The following ABCG5 variants were observed in gnomAD, a reference collection of about 807,000 sequenced individuals.
ABCG5 encodes the protein ATP binding cassette subfamily G member 5.
ABCG5 carries 64 observed loss-of-function variants against 64.5 expected under a neutral mutation model. The observed-to-expected ratio is 0.99, with a 90% CI of 0.81 to 1.22. The LOEUF (loss-of-function observed/expected upper bound fraction) is 1.22, where lower values mean the gene tolerates loss of function less well. Among genes scored for constraint, ABCG5 ranks in the 50% most tolerant of loss-of-function variants. The pLI, the probability that ABCG5 is intolerant of heterozygous loss-of-function variation, is 0.00. For missense variants in ABCG5, 908 were observed against 829.5 expected (o/e 1.09, Z -1.16); for synonymous variants, 385 against 326.3 (o/e 1.18, Z -1.94).
rs1232430658 is a variant in ABCG5 at position 43,820,076 on chromosome 2, A to C, written c.1488T>G (p.Val496=). 1 of 1,614,124 alleles carries C rather than the reference A, an allele frequency of 6.2e-7. No homozygotes were observed. The highest frequency in any genetic ancestry group is 1.7e-5 in the Admixed American group (1 of 60,012). Residue 496 remains valine, a synonymous_variant, in exon 11 of 13, where the codon GTT becomes GTG. Coordinates refer to ENST00000405322, the MANE Select transcript of ABCG5 (RefSeq NM_022436.3). ...CAGCAGAAAAATATCCAAATCGGGCAACCTCAGGATGTAAGCCCAGCGTCC... is the reference window on the plus strand; with the variant it reads ...CAGCAGAAAAATATCCAAATCGGGCCACCTCAGGATGTAAGCCCAGCGTCC... ...CYWTLGLHPE[V]ARFGYFSAAL... is the part of the protein sequence containing the mutation.
chr2:43,808,704 T>C (rs1379476528), downstream of ABCG5, among the ~76,000 whole-genome samples: 3 of 152,146 alleles, frequency 2.0e-5, no homozygotes, highest in East Asian at 5.8e-4. Context: ...AATGGAAGTA[T>C]CCTGCCCTCT....
chr2:43,826,514 C>T lies in ABCG5; in HGVS notation c.642G>A (p.Met214Ile), dbSNP rs1369776473. Residue 214 changes from methionine (M) to isoleucine (I), a missense_variant, in exon 6 of 13, where the codon ATG becomes ATA. Met to Ile is a conservative substitution (Grantham distance 10). Coordinates refer to ENST00000405322, the MANE Select transcript of ABCG5 (RefSeq NM_022436.3). ...AAQLLQDPKV[M>I]LFDEPTTGLD... ...GGCCTGTGGTTGGCTCATCAAACAG[C>T]ATGACCTCTGCCAGCAAAGAAGGGC... is the stretch of plus-strand genomic sequence containing the variant. The T allele has an allele frequency of 1.9e-6, 3 of 1,614,092 alleles. No homozygotes were observed. The highest frequency in any genetic ancestry group is 2.2e-5 in the East Asian group (1 of 44,894).
At chr2:43,839,180 C>G (rs1668469645), upstream of ABCG5, 7 of 1,518,022 alleles carry the variant, frequency 4.6e-6, no homozygotes, top group South Asian at 1.2e-5. Flanking sequence ...AAACCTTTCT[C>G]TCTTCCCTCA....
rs546506666 is a variant in ABCG5, at chr2:43,833,865, G to T, written c.266-1782C>A. 5.3e-5 allele frequency among the ~76,000 whole-genome samples: 8 copies of T among 151,792 alleles called. No homozygotes were observed. The South Asian group carries it at 1.7e-3, about 32-fold the overall frequency. ...ACACCTGGCTAATTTTTGTATTTTT[G>T]TAGAGACGGGGTTTCACCACGTTGG... On this transcript the variant is annotated intron_variant, in intron 2 of 12. Transcript: ENST00000405322.
At chr2:43,810,572 A>T, downstream of ABCG5, 1 of 945,940 alleles carries the variant, frequency 1.1e-6, no homozygotes, top group Non-Finnish European at 1.3e-6. Context: ...ATGTTCTTCC[A>T]TGTCCACATA....
intron 12 of ABCG5, among the ~76,000 whole-genome samples, chr2:43,814,037 A>G (rs980772318): frequency 1.3e-5 from 2 of 152,112 alleles, no homozygotes; most frequent in Non-Finnish European, 2.9e-5. Flanking sequence ...TCTAATGGCC[A>G]TGAGGTCCTT....
At chr2:43,837,690 TA>T (rs1668366046) in intron 2 of ABCG5, 143 bp downstream of exon 2, 20 of 1,083,802 alleles carry the variant, frequency 1.8e-5, no homozygotes, top group Non-Finnish European at 2.7e-5. Context: ...TTCACATTGG[TA>T]GCAGTTCCAT....
chr2:43,824,648 C>T (rs1488267479), intron 7 of ABCG5: 3 of 985,080 alleles, frequency 3.0e-6, no homozygotes, highest in South Asian at 9.4e-5. Flanking sequence ...AGAAGCTCAG[C>T]TAATTATGCT....
chr2:43,828,142 G>C (rs774539737), intron 4 of ABCG5, 27 bp from the exon 5 acceptor site: 1 of 1,613,590 alleles, frequency 6.2e-7, no homozygotes, highest in South Asian at 1.1e-5. Context: ...TTACAGGAAG[G>C]CTGGGAGTCT....
At position 43,838,485 on chromosome 2, in the gene ABCG5, C is replaced by A; in HGVS notation, c.143+52G>T. 6.5e-7 allele frequency: 1 copy of A among 1,527,116 alleles called. No homozygotes were observed. The highest frequency in any genetic ancestry group is 8.9e-7 in the Non-Finnish European group (1 of 1,124,084). 94.6% of individuals were successfully genotyped at this position (1,527,116 alleles called of 1,614,324 possible). A position where few individuals can be genotyped will look rare whatever the true frequency, so the allele number is the denominator to read the frequency against. ...TGAAGAAAGGCAGCAGAGGGGTGAG[C>A]GCCGGGCCCCGCACTCCTGGGGGAG... is the stretch of plus-strand genomic sequence containing the variant. On this transcript the variant is annotated intron_variant, in intron 1 of 12. Transcript: ENST00000405322. This position sits in a 1 kb window ranked among gnomAD's most constrained non-coding sequence, Gnocchi z 4.2.
chr2:43,818,179 C>T lies in ABCG5; in HGVS notation c.1649+1736G>A, dbSNP rs566598485. Among the ~76,000 whole-genome samples, 19 of 152,224 alleles carry T rather than the reference C, an allele frequency of 1.2e-4. No individual in the cohort carries two copies. In the East Asian group the frequency reaches 1.5e-3, roughly 12 times the overall value. ...CAAAATACAGTTTCTAGGTTGGCTG[C>T]GGTGGCTCACACCTGTAATCCTAGC... On this transcript the variant is annotated intron_variant, in intron 11 of 12. Coordinates refer to ENST00000405322, the MANE Select transcript of ABCG5 (RefSeq NM_022436.3).
downstream of ABCG5, chr2:43,809,907 G>C: frequency 1.4e-6 from 2 of 1,420,472 alleles, no homozygotes; most frequent in East Asian, 2.6e-5. Flanking sequence ...TCTTGGACTA[G>C]TGCATCTCCC....
Position 43,824,932 on chromosome 2 carries a change from G to T in ABCG5, c.861C>A (p.Cys287Ter), listed in dbSNP as rs530120175. The change falls in exon 7 of 13, where the codon TGC becomes TGA. Residue 287 changes from cysteine (C) to a stop codon, truncating the protein, a stop_gained. Transcript: ENST00000405322. LOFTEE classifies it high-confidence loss of function. ...PAEMLDFFND[C>*]GYPCPEHSNP... ...TTGAATGTTCAGGACAAGGGTAACC[G>T]CAGTCATTGAAGAAATCAAGCATTT... The T allele has an allele frequency of 2.5e-6, 4 of 1,613,872 alleles. No homozygotes were observed. The highest frequency in any genetic ancestry group is 2.2e-5 in the South Asian group (2 of 91,074).
intron 6 of ABCG5, 146 bp from the exon 7 acceptor site, chr2:43,825,164 T>C (rs562035968): frequency 6.2e-6 from 6 of 968,278 alleles, no homozygotes; most frequent in Non-Finnish European, 9.4e-6. Context: ...CCATAAGCAG[T>C]CAGTCCTTCG....
At chr2:43,820,156 T>C in intron 10 of ABCG5, 56 bp from the exon 11 acceptor site, 1 of 1,556,016 alleles carries the variant, frequency 6.4e-7, no homozygotes, top group South Asian at 1.2e-5. Flanking sequence ...TTAAGAAAAA[T>C]ACTGCACTTG....
chr2:43,818,336 CA>C (rs545164342), intron 11 of ABCG5, among the ~76,000 whole-genome samples: 36 of 152,212 alleles, frequency 2.4e-4, no homozygotes, highest in African/African-American at 8.2e-4. Context: ...CCCAGCTATT[CA>C]GGAGACTGAG....
At chr2:43,836,838 G>C (rs1165770911) in intron 2 of ABCG5, among the ~76,000 whole-genome samples, 1 of 152,022 alleles carries the variant, frequency 6.6e-6, no homozygotes, top group Non-Finnish European at 1.5e-5. Context: ...AAAAGAGTCT[G>C]GGAAACATAG....
intron 4 of ABCG5, 76 bp from the exon 5 acceptor site, chr2:43,828,191 T>A: frequency 6.2e-7 from 1 of 1,604,980 alleles, no homozygotes; most frequent in Non-Finnish European, 8.5e-7. Flanking sequence ...GGGGAGGACA[T>A]GAAAGAGGCA....
At chr2:43,822,573 C>T (rs536522578) in intron 10 of ABCG5, 1 of 985,080 alleles carries the variant, frequency 1.0e-6, no homozygotes, top group East Asian at 1.1e-4. Context: ...TTCCCAGGCA[C>T]ATGTCATCTT....
Sources: gnomAD v4.1 joint callset for allele counts (sites outside exome capture counted in the v4.1 genomes callset) on GRCh38, gnomAD v4.1.1 for gene constraint, Gnocchi (gnomAD v3.1) non-coding constraint, MANE v1.5 for transcripts, NCBI Gene and HGNC (gene_info 2026-07-23, HGNC 2026-07-21) for gene names.